WWOX: variants seen among roughly 807,000 people sequenced by gnomAD.
WWOX encodes WW domain containing oxidoreductase.
A neutral mutation model predicts 46.2 loss-of-function variants in WWOX; 69 were observed. The ratio of observed to expected loss-of-function variants is 1.49; its 90% confidence interval spans 1.23 to 1.82. WWOX has a LOEUF of 1.82. Among genes scored for constraint, WWOX ranks in the 40% most tolerant of loss-of-function variants. The pLI is 0.00. For synonymous variants in WWOX, 359 were observed against 202.6 expected (o/e 1.77, Z -6.56); for missense variants, 919 against 542.6 (o/e 1.69, Z -6.89).
At chr16:78,825,378 C>G (rs769719055) in intron 8 of WWOX, 1 of 265,840 alleles carries the variant, frequency 3.8e-6, no homozygotes, top group Non-Finnish European at 7.7e-6. Flanking sequence ...GCTAAAGACG[C>G]TTCTCTGAAG....
intron 1 of WWOX, among the ~76,000 whole-genome samples, chr16:78,103,108 C>G (rs1323803387): frequency 1.3e-5 from 2 of 152,114 alleles, no homozygotes; most frequent in African/African-American, 2.4e-5. Context: ...TGCTGCCTGG[C>G]CTTTCTCCCA....
At chr16:79,210,566 C>G (rs537139110) in intron 8 of WWOX, among the ~76,000 whole-genome samples, 2 of 152,092 alleles carry the variant, frequency 1.3e-5, no homozygotes, top group East Asian at 3.9e-4. Context: ...TCTTGCAACC[C>G]CTCTCCCTCT....
chr16:78,830,286 T>A (rs1008910256), intron 8 of WWOX, among the ~76,000 whole-genome samples: 1 of 144,292 alleles, frequency 6.9e-6, no homozygotes, highest in African/African-American at 2.5e-5. Context: ...TTGTGTATGT[T>A]TAAAATTTTC....
chr16:78,780,371 C>G (rs565516697), intron 8 of WWOX: 1 of 151,492 alleles, frequency 6.6e-6, no homozygotes, highest in Non-Finnish European at 1.5e-5. Flanking sequence ...CATTCATTCA[C>G]TGGTTAATTA....
At position 78,749,056 on chromosome 16, in the gene WWOX, A is replaced by G. The variant is rs79460711; in HGVS notation, c.1056+316304A>G. Among the ~76,000 whole-genome samples, 354 of 152,322 alleles carry G rather than the reference A, an allele frequency of 2.3e-3. 2 individuals are homozygous for G. Among genetic ancestry groups the G allele is most frequent in the African/African-American group, 7.7e-3 (322 of 41,562 alleles). On this transcript the variant is annotated intron_variant, in intron 8 of 8. Coordinates refer to ENST00000566780, the MANE Select transcript of WWOX (RefSeq NM_016373.4). ...AGCCAAGTGTATTCTAAAATTATCAATTGCTGATCACATGGTCTGGATGTG... is the reference window on the plus strand; with the variant it reads ...AGCCAAGTGTATTCTAAAATTATCAGTTGCTGATCACATGGTCTGGATGTG...
chr16:78,150,969 C>G (rs2034384689), intron 4 of WWOX, among the ~76,000 whole-genome samples: 1 of 151,988 alleles, frequency 6.6e-6, no homozygotes, highest in African/African-American at 2.4e-5. Context: ...CCTCCAACTT[C>G]TGGGCTCAAG....
intron 3 of WWOX, among the ~76,000 whole-genome samples, chr16:78,113,031 C>T (rs992351802): frequency 6.6e-6 from 1 of 152,114 alleles, no homozygotes; most frequent in Admixed American, 6.5e-5. Flanking sequence ...TTTATGTAGT[C>T]AAATCAATTT....
chr16:78,773,507 A>G (rs2050117238), intron 8 of WWOX, among the ~76,000 whole-genome samples: 1 of 152,144 alleles, frequency 6.6e-6, no homozygotes, highest in African/African-American at 2.4e-5. Context: ...GTGTTAGCTG[A>G]AGTTGGAGGA....
intron 8 of WWOX, among the ~76,000 whole-genome samples, chr16:78,790,327 G>T (rs952831984): frequency 4.6e-5 from 7 of 151,768 alleles, no homozygotes; most frequent in Non-Finnish European, 7.4e-5. Context: ...TAGAGATGGG[G>T]TTTCATCATG....
At chr16:78,692,564 A>G (rs2048013679) in intron 8 of WWOX, among the ~76,000 whole-genome samples, 1 of 152,194 alleles carries the variant, frequency 6.6e-6, no homozygotes, top group African/African-American at 2.4e-5. Flanking sequence ...CTGTAGATTT[A>G]TAGACGTTCC....
intron 8 of WWOX, among the ~76,000 whole-genome samples, chr16:78,906,885 A>G (rs1209022306): frequency 6.6e-6 from 1 of 152,134 alleles, no homozygotes; most frequent in Non-Finnish European, 1.5e-5. Flanking sequence ...TGGTGCTCTC[A>G]TTGTTGTGTG....
At chr16:79,070,633 A>G (rs2048532541) in intron 8 of WWOX, among the ~76,000 whole-genome samples, 1 of 152,176 alleles carries the variant, frequency 6.6e-6, no homozygotes, top group Admixed American at 6.6e-5. Flanking sequence ...AGGAAGAGGC[A>G]CAGAAGTTCA....
chr16:78,369,904 G>C (rs746054108), intron 5 of WWOX, among the ~76,000 whole-genome samples: 2 of 151,832 alleles, frequency 1.3e-5, no homozygotes, highest in South Asian at 4.2e-4. Context: ...AGGCCGAGGC[G>C]GGAGGATCAC....
At chr16:78,515,335 A>G (rs2085463105) in intron 8 of WWOX, among the ~76,000 whole-genome samples, 1 of 152,204 alleles carries the variant, frequency 6.6e-6, no homozygotes, top group South Asian at 2.1e-4. Context: ...TGTGGAGGGA[A>G]TTGAAGATGT....
chr16:78,306,292 C>T (rs1013660087), intron 5 of WWOX, among the ~76,000 whole-genome samples: 37 of 152,088 alleles, frequency 2.4e-4, no homozygotes, highest in African/African-American at 1.2e-4. Flanking sequence ...TTACAGTATA[C>T]GATTCTAGAA....
chr16:78,651,922 T>C (rs78417811), intron 8 of WWOX, among the ~76,000 whole-genome samples: 1,698 of 152,256 alleles, frequency 0.011, 17 homozygotes, highest in Middle Eastern at 0.031. Context: ...AGAGTGTAAG[T>C]AAAATGCAAT....
intron 5 of WWOX, among the ~76,000 whole-genome samples, chr16:78,174,916 A>T (rs1315121653): frequency 6.6e-6 from 1 of 151,964 alleles, no homozygotes; most frequent in African/African-American, 2.4e-5. Context: ...TTAACCTGGG[A>T]GGTGGAGGTT....
At chr16:78,891,248 T>TTTAGGA (rs1440679805) in intron 8 of WWOX, 3 of 152,194 alleles carry the variant, frequency 2.0e-5, no homozygotes, top group Non-Finnish European at 4.4e-5. Context: ...TAATTTCAGG[T>TTTAGGA]TTAGGATTGT....
intron 8 of WWOX, among the ~76,000 whole-genome samples, chr16:78,471,388 C>T (rs575154964): frequency 1.3e-5 from 2 of 152,312 alleles, no homozygotes; most frequent in East Asian, 3.9e-4. Flanking sequence ...GGAATGTTTA[C>T]AAATGCTAAT....
Sources: gnomAD v4.1 joint callset for allele counts (sites outside exome capture counted in the v4.1 genomes callset) on GRCh38, gnomAD v4.1.1 for gene constraint, MANE v1.5 for transcripts, NCBI Gene and HGNC (gene_info 2026-07-23, HGNC 2026-07-21) for gene names.